The following DCC variants were observed in gnomAD, a reference collection of about 807,000 sequenced individuals.
The protein encoded by DCC is DCC netrin 1 receptor, also known as netrin receptor DCC.
A neutral mutation model predicts 172.5 loss-of-function variants in DCC; 58 were observed. The observed-to-expected ratio is 0.34, with a 90% CI of 0.27 to 0.42. The LOEUF is 0.42. Among genes scored for constraint, DCC ranks in the 10% least tolerant of loss-of-function variants. DCC has a pLI of 1.00. For missense variants in DCC, 1,740 were observed against 1,791.0 expected (o/e 0.97, Z 0.51); for synonymous variants, 709 against 644.5 (o/e 1.10, Z -1.52).
intron 15 of DCC, among the ~76,000 whole-genome samples, chr18:53,356,578 A>G (rs1385556188): frequency 1.3e-5 from 2 of 152,076 alleles, no homozygotes; most frequent in Non-Finnish European, 2.9e-5. Flanking sequence ...AATTTCTATG[A>G]GTTACATGGT....
intron 2 of DCC, among the ~76,000 whole-genome samples, chr18:52,789,985 A>C (rs79494668): frequency 0.043 from 6,545 of 152,238 alleles, 217 homozygotes; most frequent in South Asian, 0.16. Flanking sequence ...AACTGCTCTC[A>C]AGATCAGAGC....
chr18:52,575,657 T>A (rs1394752864), intron 1 of DCC, among the ~76,000 whole-genome samples: 1 of 152,090 alleles, frequency 6.6e-6, no homozygotes, highest in Non-Finnish European at 1.5e-5. Context: ...TTTAGGATAG[T>A]GATAATAATA....
intron 22 of DCC, among the ~76,000 whole-genome samples, chr18:53,438,575 C>A (rs1912088177): frequency 6.6e-6 from 1 of 152,218 alleles, no homozygotes; most frequent in Admixed American, 6.5e-5. Context: ...CTAATTGGGC[C>A]TCCTGTATTT....
chr18:53,259,155 T>G (rs1360629272), intron 12 of DCC, among the ~76,000 whole-genome samples: 2 of 152,186 alleles, frequency 1.3e-5, no homozygotes, highest in African/African-American at 4.8e-5. Flanking sequence ...GGGTCTTGAC[T>G]CTTTATCCAA....
At chr18:52,387,176 G>T (rs1355681662) in intron 1 of DCC, among the ~76,000 whole-genome samples, 1 of 152,130 alleles carries the variant, frequency 6.6e-6, no homozygotes, top group Admixed American at 6.5e-5. Flanking sequence ...CATGTTCTTT[G>T]CTTCCTGTCT....
intron 22 of DCC, among the ~76,000 whole-genome samples, chr18:53,440,818 C>A (rs551634721): frequency 1.2e-4 from 18 of 152,214 alleles, no homozygotes; most frequent in African/African-American, 2.9e-4. Context: ...CTAGTCTAAA[C>A]CCAGATTCTA....
intron 12 of DCC, among the ~76,000 whole-genome samples, chr18:53,298,568 A>G (rs2057097058): frequency 6.8e-6 from 1 of 148,026 alleles, no homozygotes; most frequent in African/African-American, 2.5e-5. Flanking sequence ...GGCTTGCAGA[A>G]GGTCACTCAG....
chr18:52,655,563 G>A (rs1485627636), intron 1 of DCC, among the ~76,000 whole-genome samples: 1 of 152,000 alleles, frequency 6.6e-6, no homozygotes, highest in Non-Finnish European at 1.5e-5. Context: ...GCCTATTACT[G>A]AAAACCTTCA....
At chr18:52,500,994 A>T (rs961629815) in intron 1 of DCC, among the ~76,000 whole-genome samples, 3 of 152,212 alleles carry the variant, frequency 2.0e-5, no homozygotes, top group Non-Finnish European at 4.4e-5. Flanking sequence ...TGAATATTTG[A>T]AGTATGCACA....
chr18:53,273,020 G>T (rs985450546), intron 12 of DCC, among the ~76,000 whole-genome samples: 1 of 152,032 alleles, frequency 6.6e-6, no homozygotes, highest in Non-Finnish European at 1.5e-5. Context: ...TGAGTCAGTA[G>T]CAAACACTAA....
Position 52,572,991 on chromosome 18 carries a change from A to G in DCC, c.92-179063A>G, listed in dbSNP as rs1056117911. 2.6e-5 allele frequency among the ~76,000 whole-genome samples: 4 copies of G among 152,182 alleles called. No individual in the cohort carries two copies. The East Asian group carries it at 7.7e-4, about 29-fold the overall frequency. On this transcript the variant is annotated intron_variant, in intron 1 of 28. Coordinates refer to ENST00000442544, the MANE Select transcript of DCC (RefSeq NM_005215.4). The stretch of plus-strand genomic sequence containing the variant: ...AAAGTGTTTAGTGTCTACTGCCAGA[A>G]AACCTATTAAGCACCCTGGCCTAAG...
intron 5 of DCC, among the ~76,000 whole-genome samples, chr18:53,028,021 G>T (rs1568254462): frequency 6.6e-6 from 1 of 152,066 alleles, no homozygotes; most frequent in Non-Finnish European, 1.5e-5. Flanking sequence ...AGAAATATTA[G>T]GGAACATTTA....
intron 5 of DCC, among the ~76,000 whole-genome samples, chr18:52,992,527 G>A (rs1451813413): frequency 3.3e-5 from 5 of 151,946 alleles, no homozygotes; most frequent in African/African-American, 4.8e-5. Flanking sequence ...GTTCTTCTAC[G>A]GCTATAGACT....
chr18:53,374,072 G>A (rs1163154763), intron 15 of DCC, among the ~76,000 whole-genome samples: 1 of 152,208 alleles, frequency 6.6e-6, no homozygotes, highest in Admixed American at 6.5e-5. Context: ...TGCCATGGGA[G>A]GCAAAGGTAA....
intron 5 of DCC, among the ~76,000 whole-genome samples, chr18:52,943,805 A>G (rs1176830074): frequency 6.6e-6 from 1 of 151,960 alleles, no homozygotes; most frequent in Non-Finnish European, 1.5e-5. Context: ...ACTGAAGTGC[A>G]GTGGTGTGAT....
At chr18:52,387,157 A>G (rs775020801) in intron 1 of DCC, among the ~76,000 whole-genome samples, 1 of 152,160 alleles carries the variant, frequency 6.6e-6, no homozygotes, top group South Asian at 2.1e-4. Context: ...AATGGCAACA[A>G]CTATTGATCA....
chr18:53,466,827 G>A (rs2045627375), intron 24 of DCC, among the ~76,000 whole-genome samples: 2 of 152,264 alleles, frequency 1.3e-5, no homozygotes, highest in South Asian at 2.1e-4. Context: ...TGCCTGGCCA[G>A]GTTTGCGTAG....
chr18:53,289,425 G>T (rs563393153), intron 12 of DCC, among the ~76,000 whole-genome samples: 2 of 152,058 alleles, frequency 1.3e-5, no homozygotes, highest in African/African-American at 4.8e-5. Flanking sequence ...TCTCAAAAGG[G>T]GACTATAGTA....
At chr18:53,045,950 G>A (rs1192084883) in intron 5 of DCC, among the ~76,000 whole-genome samples, 1 of 151,834 alleles carries the variant, frequency 6.6e-6, no homozygotes, top group Non-Finnish European at 1.5e-5. Context: ...GATGGCTCAT[G>A]TGGTGAGATT....
Sources: allele counts gnomAD v4.1 joint callset (sites outside exome capture counted in the v4.1 genomes callset), GRCh38; gene constraint gnomAD v4.1.1; transcripts MANE v1.5; gene names NCBI Gene and HGNC (gene_info 2026-07-23, HGNC 2026-07-21).